Variants in SNRK observed in about 807,000 individuals in gnomAD.
The protein encoded by SNRK is SNF-related serine/threonine-protein kinase.
Under a neutral mutation model 48.2 loss-of-function variants are expected in SNRK, and 3 were observed. That is an observed-to-expected ratio of 0.06 (90% CI 0.03 to 0.16). SNRK has a LOEUF of 0.16. SNRK is among the 10% of genes least tolerant of loss of function. The probability of loss-of-function intolerance (pLI) is 1.00; values close to 1 mark genes in which losing one functional copy is unlikely to be tolerated. For missense variants in SNRK, 627 were observed against 976.0 expected (o/e 0.64, Z 4.76); for synonymous variants, 376 against 366.1 (o/e 1.03, Z -0.31).
At chr3:43,344,494 G>C (rs1029642215) in intron 6 of SNRK, among the ~76,000 whole-genome samples, 2 of 152,082 alleles carry the variant, frequency 1.3e-5, no homozygotes, top group South Asian at 4.1e-4. Context: ...AAGCCATTTC[G>C]ATTTTAAGTT....
chr3:43,302,753 C>G (rs894640649), intron 2 of SNRK, among the ~76,000 whole-genome samples: 1 of 150,642 alleles, frequency 6.6e-6, no homozygotes, highest in Non-Finnish European at 1.5e-5. Flanking sequence ...TCAACTGTTG[C>G]GTTATTTTTT....
chr3:43,329,642 C>A (rs1422947411), intron 3 of SNRK, among the ~76,000 whole-genome samples: 1 of 152,168 alleles, frequency 6.6e-6, no homozygotes, highest in Non-Finnish European at 1.5e-5. Context: ...AATCTTTTAG[C>A]ATTTCTATAT....
Position 43,349,342 on chromosome 3 carries a change from A to G in SNRK, c.*785A>G, listed in dbSNP as rs2091304744. 1 of 152,676 alleles carries G rather than the reference A, an allele frequency of 6.5e-6. No homozygotes were observed. The highest frequency in any genetic ancestry group is 2.1e-4 in the South Asian group (1 of 4,836). 9.5% of individuals were successfully genotyped at this position (152,676 alleles called of 1,614,324 possible). On this transcript the variant is annotated 3_prime_UTR_variant, in exon 7 of 7. Coordinates refer to ENST00000296088, the MANE Select transcript of SNRK (RefSeq NM_017719.5). ...CTACTTAGAGAGTGTATGTCTGTCT[A>G]ACAGAACAAAAAGATGCTCTGTGTA...
intron 1 of SNRK, among the ~76,000 whole-genome samples, chr3:43,294,444 C>T (rs1559458047): frequency 6.6e-6 from 1 of 152,128 alleles, no homozygotes; most frequent in African/African-American, 2.4e-5. Context: ...AAAGTTATTA[C>T]TGCATTTCCT....
chr3:43,324,304 T>C (rs910259777), intron 3 of SNRK, among the ~76,000 whole-genome samples: 4 of 151,958 alleles, frequency 2.6e-5, no homozygotes, highest in Admixed American at 2.0e-4. Context: ...GGTCAGGAGT[T>C]CAAGATCAGC....
chr3:43,311,360 G>C (rs1381801565), intron 3 of SNRK, among the ~76,000 whole-genome samples: 1 of 152,132 alleles, frequency 6.6e-6, no homozygotes, highest in African/African-American at 2.4e-5. Flanking sequence ...GCTGGGTTTT[G>C]GGGCTCTGGC....
chr3:43,349,300 GTGA>G lies in SNRK; in HGVS notation c.*749_*751del, dbSNP rs1341961342. The G allele has an allele frequency of 6.6e-6, 1 of 152,658 alleles. No individual in the cohort carries two copies. The highest frequency in any genetic ancestry group is 2.4e-5 in the African/African-American group (1 of 41,456). 9.5% of individuals were successfully genotyped at this position (152,658 alleles called of 1,614,324 possible). On this transcript the variant is annotated 3_prime_UTR_variant, in exon 7 of 7. Coordinates refer to ENST00000296088, the MANE Select transcript of SNRK (RefSeq NM_017719.5). Reference sequence around the variant, plus strand: ...CAATCTTATTTTGTAATGTGATGAAGTGATGATGTCTTAACTCTACTTAGAGAG... The same window carrying G: ...CAATCTTATTTTGTAATGTGATGAAGTGATGTCTTAACTCTACTTAGAGAG...
chr3:43,293,752 TA>T (rs199835184), intron 1 of SNRK, among the ~76,000 whole-genome samples: 15 of 146,358 alleles, frequency 1.0e-4, no homozygotes, highest in Non-Finnish European at 1.5e-4. Flanking sequence ...CCATCTCTAC[TA>T]AAAAAAAAAA....
intron 1 of SNRK, among the ~76,000 whole-genome samples, chr3:43,295,742 C>CT (rs939911009): frequency 7.3e-5 from 11 of 151,382 alleles, no homozygotes; most frequent in Admixed American, 4.0e-4. Flanking sequence ...ATATTGTTTA[C>CT]TTTTTTTTTG....
At chr3:43,311,269 C>T (rs540411940) in intron 3 of SNRK, among the ~76,000 whole-genome samples, 22 of 152,232 alleles carry the variant, frequency 1.4e-4, no homozygotes, top group African/African-American at 4.6e-4. Flanking sequence ...TCAGTTAATC[C>T]TTCTAATGGT....
At chr3:43,311,210 G>A (rs1401722258) in intron 3 of SNRK, among the ~76,000 whole-genome samples, 6 of 152,152 alleles carry the variant, frequency 3.9e-5, no homozygotes, top group African/African-American at 9.7e-5. Flanking sequence ...ACATGTCTGC[G>A]TGGACATGGT....
At chr3:43,310,472 TTGTC>T (rs1451471264) in intron 3 of SNRK, among the ~76,000 whole-genome samples, 1 of 152,226 alleles carries the variant, frequency 6.6e-6, no homozygotes, top group Admixed American at 6.5e-5. Context: ...TTGCTTGTGT[TTGTC>T]TGTAATAAAT....
intron 1 of SNRK, among the ~76,000 whole-genome samples, chr3:43,298,640 C>G (rs562311461): frequency 6.6e-6 from 1 of 152,188 alleles, no homozygotes; most frequent in Non-Finnish European, 1.5e-5. Flanking sequence ...ACCTGGACAC[C>G]TCTCACCATT....
chr3:43,334,049 G>T (rs948516762), intron 4 of SNRK, among the ~76,000 whole-genome samples: 12 of 152,088 alleles, frequency 7.9e-5, no homozygotes, highest in African/African-American at 2.7e-4. Context: ...AGGAGGCTGA[G>T]GCAGGAGAAT....
At chr3:43,330,917 AT>A (rs1309710904) in intron 3 of SNRK, among the ~76,000 whole-genome samples, 1 of 152,126 alleles carries the variant, frequency 6.6e-6, no homozygotes, top group East Asian at 1.9e-4. Context: ...AGTAAAATTT[AT>A]TGTACGTATT....
At chr3:43,345,025 A>G (rs1050139688) in intron 6 of SNRK, among the ~76,000 whole-genome samples, 9 of 152,360 alleles carry the variant, frequency 5.9e-5, no homozygotes, top group East Asian at 3.9e-4. Flanking sequence ...TTGGGAGGCC[A>G]AGGTGGGAAG....
At chr3:43,318,552 T>C (rs2091029748) in intron 3 of SNRK, among the ~76,000 whole-genome samples, 1 of 151,992 alleles carries the variant, frequency 6.6e-6, no homozygotes, top group Admixed American at 6.5e-5. Flanking sequence ...TTTCTTTTTT[T>C]TTTTTTTAAA....
At chr3:43,336,769 C>T (rs189921107) in intron 4 of SNRK, among the ~76,000 whole-genome samples, 3,835 of 67,162 alleles carry the variant, frequency 0.057, 165 homozygotes, top group African/African-American at 0.16. Context: ...TGGTTTTTTT[C>T]GAGACGGAGT....
intron 1 of SNRK, among the ~76,000 whole-genome samples, chr3:43,296,423 T>TATATATATATATGTATATATATATTC (rs1553632591): frequency 1.3e-4 from 19 of 143,646 alleles, no homozygotes; most frequent in African/African-American, 4.5e-4. Flanking sequence ...GGCATATATA[T>TATATATATATATGTATATATATATTC]ATATATATAT....
Sources: gnomAD v4.1 joint callset for allele counts (sites outside exome capture counted in the v4.1 genomes callset) on GRCh38, gnomAD v4.1.1 for gene constraint, MANE v1.5 for transcripts, NCBI Gene and HGNC (gene_info 2026-07-23, HGNC 2026-07-21) for gene names.